XRN2: variants seen among roughly 807,000 people sequenced by gnomAD.
XRN2 encodes the protein 5'-3' exoribonuclease 2.
XRN2 carries 44 observed loss-of-function variants against 138.5 expected under a neutral mutation model. The ratio of observed to expected loss-of-function variants is 0.32; its 90% CI spans 0.25 to 0.41. XRN2 has a LOEUF of 0.41. Among genes scored for constraint, XRN2 ranks in the 10% least tolerant of loss-of-function variants. The pLI is 1.00. For missense variants in XRN2, 937 were observed against 1,169.3 expected (o/e 0.80, Z 2.90); for synonymous variants, 354 against 369.4 (o/e 0.96, Z 0.48).
At chr20:21,383,908 T>A (rs1471504377) in intron 28 of XRN2, among the ~76,000 whole-genome samples, 1 of 152,136 alleles carries the variant, frequency 6.6e-6, no homozygotes, top group African/African-American at 2.4e-5. Flanking sequence ...CATAATAGAG[T>A]TCTATCATAA....
intron 6 of XRN2, among the ~76,000 whole-genome samples, chr20:21,331,203 G>A (rs552875287): frequency 1.3e-5 from 2 of 152,194 alleles, no homozygotes; most frequent in South Asian, 4.2e-4. Flanking sequence ...ATATGGTTCA[G>A]CACTATATCC....
At chr20:21,334,852 AG>A (rs1286891137) in intron 13 of XRN2, among the ~76,000 whole-genome samples, 2 of 152,112 alleles carry the variant, frequency 1.3e-5, no homozygotes, top group Non-Finnish European at 2.9e-5. Context: ...GTTTAATGTG[AG>A]GGGGCTGTAG....
chr20:21,353,786 C>A (rs1240937848), intron 20 of XRN2, among the ~76,000 whole-genome samples: 3 of 114,822 alleles, frequency 2.6e-5, no homozygotes, highest in African/African-American at 6.0e-5. Context: ...CAGAGTGAGA[C>A]CCTATCTTAA....
chr20:21,319,329 C>T (rs1211654435), intron 1 of XRN2, among the ~76,000 whole-genome samples: 1 of 152,080 alleles, frequency 6.6e-6, no homozygotes, highest in Non-Finnish European at 1.5e-5. Flanking sequence ...TTTTTAAAAT[C>T]CACTTTGACA....
At chr20:21,344,472 G>C (rs1339397714) in intron 16 of XRN2, among the ~76,000 whole-genome samples, 2 of 152,156 alleles carry the variant, frequency 1.3e-5, no homozygotes, top group Non-Finnish European at 2.9e-5. Context: ...CCAGGCACAA[G>C]ATCGGCTAGA....
chr20:21,308,232 TTTTA>T (rs1308989969), intron 1 of XRN2, among the ~76,000 whole-genome samples: 7 of 152,216 alleles, frequency 4.6e-5, no homozygotes, highest in Non-Finnish European at 8.8e-5. Flanking sequence ...ATACACCACA[TTTTA>T]TTTATTTATT....
chr20:21,387,269 GTA>G (rs892683257), intron 29 of XRN2, among the ~76,000 whole-genome samples: 1 of 152,172 alleles, frequency 6.6e-6, no homozygotes, highest in African/African-American at 2.4e-5. Context: ...ATTAGTCCAA[GTA>G]TAGTCAGTCA....
At position 21,333,811 on chromosome 20, in the gene XRN2, C is replaced by G. The variant is rs778502022; in HGVS notation, c.1041C>G (p.Leu347=). ...FMCFFVGNDF[L]PHLPSLEIRE... ...GCTTCTTTGTGGGAAATGACTTCCTCCCTCATTTGCCATCGTTAGAGATTA... is the reference window on the plus strand; with the variant it reads ...GCTTCTTTGTGGGAAATGACTTCCTGCCTCATTTGCCATCGTTAGAGATTA... Residue 347 remains leucine (L), a synonymous_variant, in exon 11 of 30, where the codon CTC becomes CTG. Coordinates refer to ENST00000377191, the MANE Select transcript of XRN2 (RefSeq NM_012255.5). 2.5e-6 allele frequency: 4 copies of G among 1,614,088 alleles called. No homozygotes were observed. The highest frequency in any genetic ancestry group is 3.3e-5 in the Admixed American group (2 of 60,026).
In XRN2 at chr20:21,373,808, G is replaced by T. The variant is rs183202041; in HGVS notation, c.2584+5218G>T. 3.5e-4 allele frequency among the ~76,000 whole-genome samples: 53 copies of T among 152,164 alleles called. 1 individual carries two copies. Among genetic ancestry groups the T allele is most frequent in the Middle Eastern group, 3.4e-3 (1 of 294 alleles). Reference sequence around the variant, plus strand: ...GATGGTAGTGTTCAAGGTTTGTGTGGTTTTTTTAAATTGGGTTGTCTATCT... The same window carrying T: ...GATGGTAGTGTTCAAGGTTTGTGTGTTTTTTTTAAATTGGGTTGTCTATCT... On this transcript the variant is annotated intron_variant, in intron 27 of 29. Coordinates refer to ENST00000377191, the MANE Select transcript of XRN2 (RefSeq NM_012255.5).
At chr20:21,365,387 T>C in intron 24 of XRN2, 34 bp from the exon 25 acceptor site, 2 of 1,599,844 alleles carry the variant, frequency 1.3e-6, no homozygotes, top group Non-Finnish European at 8.6e-7. Flanking sequence ...GCTGATATAA[T>C]CAGATCATTG....
At chr20:21,386,460 C>T (rs1413061808) in intron 28 of XRN2, among the ~76,000 whole-genome samples, 2 of 152,176 alleles carry the variant, frequency 1.3e-5, no homozygotes, top group Non-Finnish European at 2.9e-5. Flanking sequence ...AGAATGGATC[C>T]AAGAACGAGT....
At chr20:21,375,653 T>A (rs938127778) in intron 27 of XRN2, among the ~76,000 whole-genome samples, 1 of 151,772 alleles carries the variant, frequency 6.6e-6, no homozygotes, top group Admixed American at 6.6e-5. Flanking sequence ...CAGGCTAAAT[T>A]TCTAGAAATG....
rs776830177 is a variant in XRN2, at chr20:21,332,460, A to G, written c.858+20A>G. 10 of 1,524,594 alleles carry G rather than the reference A, an allele frequency of 6.6e-6. No homozygotes were observed. The highest frequency in any genetic ancestry group is 2.3e-5 in the Admixed American group (1 of 43,054). The allele number at this position is 1,524,594 out of a possible 1,614,324, so 94.4% of individuals were successfully genotyped here. Reference sequence around the variant, plus strand: ...GGAAAGGTAAGAACTTTGAGATGGTAGTTGCCTCATTAAAAAAAAAAATCT... The same window carrying G: ...GGAAAGGTAAGAACTTTGAGATGGTGGTTGCCTCATTAAAAAAAAAAATCT... On this transcript the variant is annotated intron_variant, in intron 9 of 29. Transcript: ENST00000377191.
In XRN2 at chr20:21,333,453, G is replaced by C. The variant is rs952634211; in HGVS notation, c.859-91G>C. On this transcript the variant is annotated intron_variant, in intron 9 of 29. Coordinates refer to ENST00000377191, the MANE Select transcript of XRN2 (RefSeq NM_012255.5). ...AATACTTGTGATATTAAAATGGATTGTGCGTTAGAAAAAGCCTTAAAATTT... is the reference window on the plus strand; with the variant it reads ...AATACTTGTGATATTAAAATGGATTCTGCGTTAGAAAAAGCCTTAAAATTT... The C allele has an allele frequency of 8.0e-6, 10 of 1,251,390 alleles. No homozygotes were observed. In the South Asian group the frequency reaches 1.1e-4, roughly 14 times the overall value. The allele number at this position is 1,251,390 out of a possible 1,614,324, so 77.5% of individuals were successfully genotyped here. A position where few individuals can be genotyped will look rare whatever the true frequency, so the allele number is the denominator to read the frequency against.
chr20:21,374,480 A>T (rs891022070), intron 27 of XRN2, among the ~76,000 whole-genome samples: 1 of 151,936 alleles, frequency 6.6e-6, no homozygotes, highest in African/African-American at 2.4e-5. Flanking sequence ...CCTTTATCAC[A>T]CTGAGGAAGT....
chr20:21,364,533 G>A (rs909441563), intron 24 of XRN2, among the ~76,000 whole-genome samples: 3 of 152,272 alleles, frequency 2.0e-5, no homozygotes, highest in East Asian at 1.9e-4. Flanking sequence ...CTGTCCAGGC[G>A]CGGTGGCTCA....
At chr20:21,342,591 G>A (rs2038386198) in intron 15 of XRN2, among the ~76,000 whole-genome samples, 1 of 152,202 alleles carries the variant, frequency 6.6e-6, no homozygotes, top group Non-Finnish European at 1.5e-5. Context: ...TAATGGGAAT[G>A]TCACTCTCAT....
Position 21,305,553 on chromosome 20 carries a change from C to CTTTTTTTTTTTTTTT in XRN2, c.75+2089_75+2103dup, listed in dbSNP as rs1180206108. 4.5e-4 allele frequency among the ~76,000 whole-genome samples: 9 copies of CTTTTTTTTTTTTTTT among 19,842 alleles called. 1 individual carries two copies. The highest frequency in any genetic ancestry group is 5.6e-4 in the Non-Finnish European group (4 of 7,158). 13.0% of individuals were successfully genotyped at this position (19,842 alleles called of 152,430 possible). On this transcript the variant is annotated intron_variant, in intron 1 of 29. Transcript: ENST00000377191. ...ACAGGCATGAGCCACCATACGTGGC[C>CTTTTTTTTTTTTTTT]TTTTTTTTTTTTTTTTTTTTTTTGG...
At chr20:21,333,430 T>A in intron 9 of XRN2, 114 bp from the exon 10 acceptor site, 1 of 1,063,072 alleles carries the variant, frequency 9.4e-7, no homozygotes, top group Middle Eastern at 2.3e-4. Flanking sequence ...AAAAATTAAA[T>A]ACTTGTGATA....
Sources: allele counts gnomAD v4.1 joint callset (sites outside exome capture counted in the v4.1 genomes callset), GRCh38; gene constraint gnomAD v4.1.1; transcripts MANE v1.5; gene names NCBI Gene and HGNC (gene_info 2026-07-23, HGNC 2026-07-21).